The following NEK6 variants were observed in gnomAD, a reference collection of about 807,000 sequenced individuals.
The protein encoded by NEK6 is NIMA related kinase 6.
In NEK6, 27 loss-of-function variants were observed where a neutral mutation model predicts 43.5. That is an observed-to-expected ratio of 0.62 (90% CI 0.46 to 0.86). The LOEUF (loss-of-function observed/expected upper bound fraction) is 0.86, where lower values mean the gene tolerates loss of function less well. Among genes scored for constraint, NEK6 ranks in the 40% least tolerant of loss-of-function variants. The pLI, the probability that NEK6 is intolerant of heterozygous loss-of-function variation, is 0.00. For synonymous variants in NEK6, 167 were observed against 164.1 expected, an observed-to-expected ratio of 1.02 and a Z score of -0.14; for missense variants, 318 against 414.4, an observed-to-expected ratio of 0.77 and a Z score of 2.02.
chr9:124,329,945 T>G (rs1321153258), intron 7 of NEK6, among the ~76,000 whole-genome samples: 1 of 152,258 alleles, frequency 6.6e-6, no homozygotes, highest in Non-Finnish European at 1.5e-5. Flanking sequence ...CCGCATCTCA[T>G]GTGCACCTAC....
At chr9:124,281,111 G>A (rs574180847) in intron 1 of NEK6, among the ~76,000 whole-genome samples, 5 of 152,150 alleles carry the variant, frequency 3.3e-5, no homozygotes, top group Non-Finnish European at 5.9e-5. Context: ...CCCGCTTTTC[G>A]CTTGTGTTTT....
intron 1 of NEK6, among the ~76,000 whole-genome samples, chr9:124,295,377 A>G (rs1348367673): frequency 6.6e-6 from 1 of 152,130 alleles, no homozygotes; most frequent in Non-Finnish European, 1.5e-5. Context: ...CTTCCTGTCA[A>G]GTGATGAATG....
At chr9:124,291,947 C>A in intron 1 of NEK6, 2 of 986,078 alleles carry the variant, frequency 2.0e-6, no homozygotes, top group Non-Finnish European at 2.4e-6. Context: ...AAGTCCCATG[C>A]GGAGACAGAG....
chr9:124,285,106 T>TA (rs1564621967), intron 1 of NEK6, among the ~76,000 whole-genome samples: 1 of 152,298 alleles, frequency 6.6e-6, no homozygotes, highest in Non-Finnish European at 1.5e-5. Flanking sequence ...GAATTTCGTT[T>TA]TGGAAGGCAA....
rs1196181184 is a variant in NEK6 at position 124,341,726 on chromosome 9, C to T, written c.717+2061C>T. 2.0e-5 allele frequency among the ~76,000 whole-genome samples: 3 copies of T among 151,690 alleles called. No homozygotes were observed. In the East Asian group the frequency reaches 5.8e-4, roughly 29 times the overall value. On this transcript the variant is annotated intron_variant, in intron 8 of 9. Transcript: ENST00000320246. ...GTGGGTTGGGGCGGCGAGTGTTGAG[C>T]AGGGTGTGTGGGTGGGCTCGGGGGA...
At chr9:124,269,558 A>G (rs1831347289) in intron 1 of NEK6, among the ~76,000 whole-genome samples, 1 of 151,496 alleles carries the variant, frequency 6.6e-6, no homozygotes, top group Non-Finnish European at 1.5e-5. Flanking sequence ...TTGTATTTTT[A>G]GTAGAGATGG....
chr9:124,339,690 AGCATTTGGTGGGACAT>A (rs762218891), intron 8 of NEK6, 25 bp downstream of exon 8: 1 of 1,559,684 alleles, frequency 6.4e-7, no homozygotes, highest in East Asian at 2.2e-5. Context: ...GTGGCTCAGC[AGCATTTGGTGGGACAT>A]GCATGGGGGG....
intron 1 of NEK6, among the ~76,000 whole-genome samples, chr9:124,266,759 G>A (rs1197299057): frequency 2.6e-5 from 4 of 152,210 alleles, no homozygotes; most frequent in East Asian, 1.9e-4. Flanking sequence ...GCACGCGGCC[G>A]GATCCTTGGA....
chr9:124,292,971 G>C, intron 1 of NEK6: 3 of 1,575,798 alleles, frequency 1.9e-6, no homozygotes, highest in African/African-American at 2.7e-5. Flanking sequence ...CTGGGAGGCA[G>C]CTCATTTCCG....
At chr9:124,266,061 C>T (rs1283705580) in intron 1 of NEK6, among the ~76,000 whole-genome samples, 1 of 152,112 alleles carries the variant, frequency 6.6e-6, no homozygotes, top group Non-Finnish European at 1.5e-5. Flanking sequence ...TTTGAACCCA[C>T]CTGGAGGGAG....
Position 124,324,399 on chromosome 9 carries a change from C to T in NEK6, c.406-1931C>T, listed in dbSNP as rs2130933655. On this transcript the variant is annotated intron_variant, in intron 5 of 9. Transcript: ENST00000320246. The surrounding 1 kb of genome is among the most constrained non-coding windows in gnomAD (Gnocchi z 5.3). ...CTGCAGCCTCAAGGGCTGAGCTGCGCCATCACAGCCATGGTGCCCGAGTTA... is the reference window on the plus strand; with the variant it reads ...CTGCAGCCTCAAGGGCTGAGCTGCGTCATCACAGCCATGGTGCCCGAGTTA... Among the ~76,000 whole-genome samples, 1 of 152,308 alleles carries T rather than the reference C, an allele frequency of 6.6e-6. No homozygotes were observed. The highest frequency in any genetic ancestry group is 2.1e-4 in the South Asian group (1 of 4,822).
intron 2 of NEK6, among the ~76,000 whole-genome samples, chr9:124,303,780 C>A (rs539300969): frequency 1.6e-4 from 24 of 152,336 alleles, no homozygotes; most frequent in Non-Finnish European, 2.5e-4. Flanking sequence ...TGGCTGGGGG[C>A]AGCAGGGCCT....
intron 7 of NEK6, among the ~76,000 whole-genome samples, chr9:124,332,289 T>C (rs2130989631): frequency 6.6e-6 from 1 of 152,358 alleles, no homozygotes; most frequent in Admixed American, 6.5e-5. Flanking sequence ...CCATTTAGTC[T>C]TCACCATGAA....
chr9:124,289,401 A>C (rs905291843), intron 1 of NEK6, among the ~76,000 whole-genome samples: 1 of 151,990 alleles, frequency 6.6e-6, no homozygotes. Flanking sequence ...TCTGCCTTCC[A>C]GGGTTGTTTT....
In NEK6 at chr9:124,275,412, C is replaced by G. The variant is rs1035216233; in HGVS notation, c.-30+17327C>G. Among the ~76,000 whole-genome samples, 1 of 152,190 alleles carries G rather than the reference C, an allele frequency of 6.6e-6. No individual in the cohort carries two copies. The highest frequency in any genetic ancestry group is 2.4e-5 in the African/African-American group (1 of 41,444). On this transcript the variant is annotated intron_variant, in intron 1 of 9. Transcript: ENST00000320246. The surrounding 1 kb of genome is among the most constrained non-coding windows in gnomAD (Gnocchi z 4.4). ...GATGACGGTCATGGAGCCCAGAACC[C>G]ATGGGTAACGGGGTCAGCATTCAGA... is the stretch of plus-strand genomic sequence containing the variant.
chr9:124,343,341 G>T lies in NEK6; in HGVS notation c.717+3676G>T, dbSNP rs574778348. On this transcript the variant is annotated intron_variant, in intron 8 of 9. Transcript: ENST00000320246. This position sits in a 1 kb window ranked among gnomAD's most constrained non-coding sequence, Gnocchi z 5.1. ...GTGGGGGGACAGATCACAGCCAGGG[G>T]TGGATACCAGTCAGCAGTAGGAAGT... is the stretch of plus-strand genomic sequence containing the variant. 6.6e-6 allele frequency among the ~76,000 whole-genome samples: 1 copy of T among 151,914 alleles called. No individual in the cohort carries two copies. The highest frequency in any genetic ancestry group is 1.5e-5 in the Non-Finnish European group (1 of 67,952).
intron 1 of NEK6, among the ~76,000 whole-genome samples, chr9:124,298,004 C>T (rs1832777728): frequency 6.6e-6 from 1 of 152,204 alleles, no homozygotes; most frequent in Non-Finnish European, 1.5e-5. Context: ...CCCCAAGAGG[C>T]AGTAGATTCC....
At chr9:124,310,133 C>G (rs576335708) in intron 2 of NEK6, among the ~76,000 whole-genome samples, 1 of 152,310 alleles carries the variant, frequency 6.6e-6, no homozygotes, top group East Asian at 1.9e-4. Context: ...CACCACAGTC[C>G]CCAGTCCTGG....
rs188706702 is a variant in NEK6, at chr9:124,313,283, G to A, written c.231+634G>A. Among the ~76,000 whole-genome samples the A allele has an allele frequency of 5.2e-3, 799 of 152,278 alleles. 6 individuals are homozygous for A. The highest frequency in any genetic ancestry group is 0.01 in the Middle Eastern group (3 of 294). ...AGGGCCGGGAGAGAGAATGGCGTTGGGGAAATGGGGAGAGAACACCCGCAG... is the reference window on the plus strand; with the variant it reads ...AGGGCCGGGAGAGAGAATGGCGTTGAGGAAATGGGGAGAGAACACCCGCAG... On this transcript the variant is annotated intron_variant, in intron 3 of 9. Coordinates refer to ENST00000320246, the MANE Select transcript of NEK6 (RefSeq NM_014397.6).
Sources: gnomAD v4.1 joint callset for allele counts (sites outside exome capture counted in the v4.1 genomes callset) on GRCh38, gnomAD v4.1.1 for gene constraint, Gnocchi (gnomAD v3.1) non-coding constraint, MANE v1.5 for transcripts, NCBI Gene and HGNC (gene_info 2026-07-23, HGNC 2026-07-21) for gene names.